The following CDYL variants were observed in gnomAD, a reference collection of about 807,000 sequenced individuals.
CDYL encodes the protein chromodomain Y-like protein.
Under a neutral mutation model 47.3 loss-of-function variants are expected in CDYL, and 8 were observed. The ratio of observed to expected loss-of-function variants is 0.17; its 90% CI spans 0.10 to 0.31. CDYL has a LOEUF of 0.31. CDYL is among the 10% of genes least tolerant of loss of function. CDYL has a pLI of 1.00. For missense variants in CDYL, 471 were observed against 701.4 expected (o/e 0.67, Z 3.71); for synonymous variants, 266 against 265.0 (o/e 1.00, Z -0.04).
intron 2 of CDYL, among the ~76,000 whole-genome samples, chr6:4,930,993 C>A (rs1049625031): frequency 6.6e-6 from 1 of 151,972 alleles, no homozygotes; most frequent in Non-Finnish European, 1.5e-5. Context: ...TCAGTGTTTA[C>A]CATTTGTTTA....
chr6:4,895,063 GTA>G (rs1399528799), intron 2 of CDYL, among the ~76,000 whole-genome samples: 1 of 113,508 alleles, frequency 8.8e-6, no homozygotes, highest in Non-Finnish European at 2.0e-5. Context: ...GTACATATGG[GTA>G]TATATGTATC....
chr6:4,871,641 T>C (rs1014086545), intron 1 of CDYL, among the ~76,000 whole-genome samples: 4 of 152,150 alleles, frequency 2.6e-5, no homozygotes, highest in East Asian at 1.9e-4. Flanking sequence ...CCTGCAAATA[T>C]TGACTGTGCA....
intron 1 of CDYL, among the ~76,000 whole-genome samples, chr6:4,844,292 G>A (rs1760589769): frequency 1.3e-5 from 2 of 152,198 alleles, no homozygotes; most frequent in South Asian, 2.1e-4. Context: ...AGTAGGTGGC[G>A]CTGTCAAGAG....
intron 2 of CDYL, among the ~76,000 whole-genome samples, chr6:4,926,486 C>T (rs919289689): frequency 3.9e-5 from 5 of 126,780 alleles, no homozygotes; most frequent in Admixed American, 7.4e-5. Flanking sequence ...ACCCTTCTGC[C>T]TTGAAAACAT....
At chr6:4,809,603 G>T (rs186116810) in intron 1 of CDYL, among the ~76,000 whole-genome samples, 2 of 150,628 alleles carry the variant, frequency 1.3e-5, no homozygotes, top group African/African-American at 4.9e-5. Flanking sequence ...GTGATCCTTT[G>T]TATGGTAGGG....
At chr6:4,766,954 A>G (rs1249332784) in intron 3 of CDYL, among the ~76,000 whole-genome samples, 5 of 152,028 alleles carry the variant, frequency 3.3e-5, no homozygotes, top group Non-Finnish European at 5.9e-5. Flanking sequence ...AGTACACAAG[A>G]TCTTACCACT....
intron 2 of CDYL, among the ~76,000 whole-genome samples, chr6:4,907,187 T>C (rs1302874037): frequency 6.6e-6 from 1 of 152,206 alleles, no homozygotes; most frequent in Non-Finnish European, 1.5e-5. Flanking sequence ...GCTGGATCAC[T>C]GTAGGGCCAG....
chr6:4,724,858 C>A (rs536552756), intron 2 of CDYL: 3 of 152,296 alleles, frequency 2.0e-5, no homozygotes, highest in South Asian at 4.1e-4. Context: ...AGCTTCCAAA[C>A]CGTGGAAAAA....
chr6:4,730,972 T>C (rs1156721291), intron 2 of CDYL, among the ~76,000 whole-genome samples: 1 of 152,222 alleles, frequency 6.6e-6, no homozygotes, highest in African/African-American at 2.4e-5. Context: ...TTGTTTGGAA[T>C]GATGAGATTA....
At chr6:4,793,263 G>T (rs1026640332) in intron 1 of CDYL, among the ~76,000 whole-genome samples, 8 of 152,206 alleles carry the variant, frequency 5.3e-5, no homozygotes, top group Admixed American at 5.2e-4. Flanking sequence ...CAGCGGGCAT[G>T]ACCGCTCAGC....
chr6:4,933,550 A>T (rs1463253818), intron 2 of CDYL, among the ~76,000 whole-genome samples: 2 of 152,198 alleles, frequency 1.3e-5, no homozygotes, highest in Non-Finnish European at 2.9e-5. Context: ...TGAGGCCGTG[A>T]TGGGACTGAG....
intron 1 of CDYL, among the ~76,000 whole-genome samples, chr6:4,840,434 A>T (rs763501609): frequency 6.6e-6 from 1 of 152,072 alleles, no homozygotes; most frequent in Non-Finnish European, 1.5e-5. Context: ...TATGACTTGC[A>T]GTATGTTGAA....
intron 2 of CDYL, among the ~76,000 whole-genome samples, chr6:4,911,655 G>A (rs930080216): frequency 5.3e-5 from 8 of 152,032 alleles, no homozygotes; most frequent in Non-Finnish European, 7.4e-5. Flanking sequence ...TCTAACCCCC[G>A]CCCCTTAGCT....
Position 4,954,706 on chromosome 6 carries a change from T to C in CDYL, c.*650T>C, listed in dbSNP as rs1758815696. 1 of 152,376 alleles carries C rather than the reference T, an allele frequency of 6.6e-6. No homozygotes were observed. Among genetic ancestry groups the C allele is most frequent in the Non-Finnish European group, 1.5e-5 (1 of 68,038 alleles). The allele number at this position is 152,376 out of a possible 1,614,324, so 9.4% of individuals were successfully genotyped here. ...AATTGGTTTCCCCTTCTTTTTAAAATACGTCCAGTTCTTACCCAGTTAACA... is the reference window on the plus strand; with the variant it reads ...AATTGGTTTCCCCTTCTTTTTAAAACACGTCCAGTTCTTACCCAGTTAACA... On this transcript the variant is annotated 3_prime_UTR_variant, in exon 7 of 7. Coordinates refer to ENST00000397588, the MANE Select transcript of CDYL (RefSeq NM_004824.4).
intron 1 of CDYL, among the ~76,000 whole-genome samples, chr6:4,873,121 A>T (rs778759726): frequency 6.6e-6 from 1 of 152,230 alleles, no homozygotes; most frequent in South Asian, 2.1e-4. Context: ...TGATTTGTCA[A>T]GTACACAAAA....
chr6:4,837,466 G>GT (rs367959545), intron 1 of CDYL, among the ~76,000 whole-genome samples: 8,024 of 136,650 alleles, frequency 0.059, 325 homozygotes, highest in African/African-American at 0.12. Context: ...TGTTGTCGTT[G>GT]TTTTTTTTTT....
intron 6 of CDYL, among the ~76,000 whole-genome samples, chr6:4,952,835 T>G (rs1239222682): frequency 6.6e-6 from 1 of 152,092 alleles, no homozygotes; most frequent in Non-Finnish European, 1.5e-5. Context: ...TGGTGGAATC[T>G]TGGCTCACTG....
At chr6:4,905,328 G>A (rs1438700742) in intron 2 of CDYL, among the ~76,000 whole-genome samples, 1 of 152,182 alleles carries the variant, frequency 6.6e-6, no homozygotes, top group African/African-American at 2.4e-5. Context: ...AACCAACTTA[G>A]CGGGGTTGAC....
intron 2 of CDYL, among the ~76,000 whole-genome samples, chr6:4,911,393 T>C (rs1311425301): frequency 1.3e-5 from 2 of 152,220 alleles, no homozygotes; most frequent in Non-Finnish European, 1.5e-5. Flanking sequence ...CGCACAGTAG[T>C]TGCTCCGTAG....
Sources: allele counts gnomAD v4.1 joint callset (sites outside exome capture counted in the v4.1 genomes callset), GRCh38; gene constraint gnomAD v4.1.1; transcripts MANE v1.5; gene names NCBI Gene and HGNC (gene_info 2026-07-23, HGNC 2026-07-21).